The following GALNT17 variants were observed in gnomAD, a reference collection of about 807,000 sequenced individuals.
GALNT17 encodes polypeptide N-acetylgalactosaminyltransferase 17.
In GALNT17, 29 loss-of-function variants were observed where a neutral mutation model predicts 63.7. The ratio of observed to expected loss-of-function variants is 0.46; its 90% CI spans 0.34 to 0.62. The LOEUF (loss-of-function observed/expected upper bound fraction) is 0.62. GALNT17 is among the 20% of genes least tolerant of loss of function. The pLI is 0.01. For synonymous variants in GALNT17, 305 were observed against 318.3 expected, an observed-to-expected ratio of 0.96 and a Z score of 0.45; for missense variants, 603 against 799.6, an observed-to-expected ratio of 0.75 and a Z score of 2.97.
At chr7:71,398,886 A>G (rs1270051583) in intron 3 of GALNT17, among the ~76,000 whole-genome samples, 2 of 152,164 alleles carry the variant, frequency 1.3e-5, no homozygotes, top group Non-Finnish European at 2.9e-5. Flanking sequence ...TGTGCACTTG[A>G]GTTGGACTTA....
rs1390227284 is a variant in GALNT17 at position 71,252,652 on chromosome 7, C to T, written c.239-82898C>T. 2.0e-5 allele frequency among the ~76,000 whole-genome samples: 3 copies of T among 152,122 alleles called. No homozygotes were observed. The East Asian group carries it at 5.8e-4, about 29-fold the overall frequency. On this transcript the variant is annotated intron_variant, in intron 1 of 10. Transcript: ENST00000333538. ...GACATGTTAAGTTGGGATGCTGACCCAGACCCATTAGAGAGTGTTAGATCA... is the reference window on the plus strand; with the variant it reads ...GACATGTTAAGTTGGGATGCTGACCTAGACCCATTAGAGAGTGTTAGATCA...
chr7:71,150,269 G>A (rs560339892), intron 1 of GALNT17, among the ~76,000 whole-genome samples: 19 of 151,986 alleles, frequency 1.3e-4, no homozygotes, highest in Admixed American at 4.6e-4. Context: ...AATATCAAGC[G>A]GCATAGAACT....
chr7:71,155,116 G>T (rs1277789843), intron 1 of GALNT17, among the ~76,000 whole-genome samples: 1 of 151,776 alleles, frequency 6.6e-6, no homozygotes, highest in Non-Finnish European at 1.5e-5. Flanking sequence ...ATTTGGAAAT[G>T]CAAGAGTGGC....
chr7:71,305,519 G>A (rs1288466222), intron 1 of GALNT17, among the ~76,000 whole-genome samples: 2 of 152,088 alleles, frequency 1.3e-5, no homozygotes, highest in African/African-American at 2.4e-5. Flanking sequence ...TTAAAATCTG[G>A]GCTCTCATTT....
intron 5 of GALNT17, among the ~76,000 whole-genome samples, chr7:71,454,014 A>G (rs949343987): frequency 1.3e-5 from 2 of 152,234 alleles, no homozygotes; most frequent in African/African-American, 4.8e-5. Context: ...TCACACTATG[A>G]TATCAAAAGC....
intron 1 of GALNT17, among the ~76,000 whole-genome samples, chr7:71,216,615 G>GAC (rs199932828): frequency 4.7e-5 from 7 of 150,360 alleles, no homozygotes; most frequent in African/African-American, 1.2e-4. Flanking sequence ...CATACACACA[G>GAC]ACACACACAC....
chr7:71,212,016 A>T (rs12669730), intron 1 of GALNT17, among the ~76,000 whole-genome samples: 56,353 of 152,166 alleles, frequency 0.37, 10,767 homozygotes, highest in South Asian at 0.53. Flanking sequence ...TTTGCATAAG[A>T]AGCAAGGAGC....
intron 1 of GALNT17, among the ~76,000 whole-genome samples, chr7:71,217,123 A>G (rs1789496115): frequency 6.8e-6 from 1 of 147,600 alleles, no homozygotes; most frequent in Middle Eastern, 3.6e-3. Flanking sequence ...GCCACCATGC[A>G]CAGCTAATTT....
chr7:71,625,235 C>G (rs1237416724), intron 6 of GALNT17, among the ~76,000 whole-genome samples: 3 of 152,088 alleles, frequency 2.0e-5, no homozygotes, highest in Non-Finnish European at 4.4e-5. Flanking sequence ...ACCTCCATCT[C>G]CCGAGCTCAA....
At chr7:71,439,513 A>G (rs1361582249) in intron 5 of GALNT17, among the ~76,000 whole-genome samples, 1 of 152,186 alleles carries the variant, frequency 6.6e-6, no homozygotes, top group Non-Finnish European at 1.5e-5. Flanking sequence ...TTTCTCTGCG[A>G]TGACAAGCAG....
chr7:71,277,729 C>T (rs943949322), intron 1 of GALNT17, among the ~76,000 whole-genome samples: 5 of 152,180 alleles, frequency 3.3e-5, no homozygotes, highest in African/African-American at 1.2e-4. Context: ...AGTGAGTAGA[C>T]AGCTGTCCAG....
intron 1 of GALNT17, among the ~76,000 whole-genome samples, chr7:71,320,140 C>G (rs1791578015): frequency 6.6e-6 from 1 of 152,168 alleles, no homozygotes; most frequent in African/African-American, 2.4e-5. Flanking sequence ...GATACATACT[C>G]TCTGCCCTCT....
chr7:71,346,433 T>A (rs1248746724), intron 2 of GALNT17, among the ~76,000 whole-genome samples: 2 of 152,098 alleles, frequency 1.3e-5, no homozygotes, highest in Admixed American at 6.5e-5. Context: ...CTGTATGGCA[T>A]GTTTTATTGA....
intron 5 of GALNT17, among the ~76,000 whole-genome samples, chr7:71,436,726 A>T (rs1178421757): frequency 2.7e-5 from 4 of 150,916 alleles, no homozygotes; most frequent in Non-Finnish European, 4.4e-5. Flanking sequence ...CTCAAAAAAA[A>T]AATAAAAAAT....
chr7:71,695,126 T>G (rs115689085), intron 9 of GALNT17, among the ~76,000 whole-genome samples: 2,964 of 152,196 alleles, frequency 0.019, 109 homozygotes, highest in African/African-American at 0.067. Context: ...GAAGTCGGAG[T>G]GGACTACGCA....
intron 9 of GALNT17, among the ~76,000 whole-genome samples, chr7:71,707,096 G>T (rs1300682318): frequency 6.6e-6 from 1 of 152,210 alleles, no homozygotes; most frequent in Admixed American, 6.5e-5. Context: ...AACATATCTT[G>T]CAGAGTTGTT....
In GALNT17 at chr7:71,592,570, A is replaced by AGC. The variant is rs1491075121; in HGVS notation, c.1080+21168_1080+21169insGC. Among the ~76,000 whole-genome samples the AGC allele has an allele frequency of 1.1e-3, 163 of 145,710 alleles. 2 individuals are homozygous for AGC. The East Asian group carries it at 0.017, about 15-fold the overall frequency. On this transcript the variant is annotated intron_variant, in intron 6 of 10. Coordinates refer to ENST00000333538, the MANE Select transcript of GALNT17 (RefSeq NM_022479.3). ...ATAGCATAGCATAGCATACTAAAATAAAATAAAATAAAATAAAATAAAATA... is the reference window on the plus strand; with the variant it reads ...ATAGCATAGCATAGCATACTAAAATAGCAAATAAAATAAAATAAAATAAAATA...
chr7:71,220,780 C>T (rs189008457), intron 1 of GALNT17, among the ~76,000 whole-genome samples: 14 of 152,212 alleles, frequency 9.2e-5, no homozygotes, highest in African/African-American at 3.4e-4. Flanking sequence ...CAGCCATCTA[C>T]AAGCCAAGGA....
chr7:71,376,160 T>C (rs1471016644), intron 2 of GALNT17, among the ~76,000 whole-genome samples: 1 of 152,156 alleles, frequency 6.6e-6, no homozygotes, highest in Admixed American at 6.6e-5. Flanking sequence ...TAAAGCTATT[T>C]ATTATTTCTA....
Sources: allele counts gnomAD v4.1 joint callset (sites outside exome capture counted in the v4.1 genomes callset), GRCh38; gene constraint gnomAD v4.1.1; transcripts MANE v1.5; gene names NCBI Gene and HGNC (gene_info 2026-07-23, HGNC 2026-07-21).